The following UNC5B variants were observed in gnomAD, a reference collection of about 807,000 sequenced individuals.
The protein encoded by UNC5B is unc-5 netrin receptor B, also known as netrin receptor UNC5B.
A neutral mutation model predicts 103.7 loss-of-function variants in UNC5B; 56 were observed. The observed-to-expected ratio is 0.54, with a 90% CI of 0.44 to 0.67. The LOEUF (loss-of-function observed/expected upper bound fraction) is 0.67, where lower values mean the gene tolerates loss of function less well. Ranked by LOEUF, UNC5B falls within the 30% of genes least tolerant of loss-of-function variation. The pLI, the probability that UNC5B is intolerant of heterozygous loss-of-function variation, is 0.00. For missense variants in UNC5B, 1,194 were observed against 1,284.5 expected (o/e 0.93, Z 1.08); for synonymous variants, 577 against 542.0 (o/e 1.06, Z -0.90).
chr10:71,272,314 A>G (rs1589182912), intron 1 of UNC5B, among the ~76,000 whole-genome samples: 1 of 152,146 alleles, frequency 6.6e-6, no homozygotes, highest in South Asian at 2.1e-4. Flanking sequence ...GTCCTGAGCC[A>G]GTCAGCCCTG....
intron 14 of UNC5B, among the ~76,000 whole-genome samples, chr10:71,296,191 C>A (rs1050212937): frequency 1.3e-5 from 2 of 152,188 alleles, no homozygotes; most frequent in African/African-American, 4.8e-5. Flanking sequence ...CCTGTCACAC[C>A]CTCACACGCA....
At chr10:71,228,474 C>T (rs560019251) in intron 1 of UNC5B, among the ~76,000 whole-genome samples, 11 of 151,992 alleles carry the variant, frequency 7.2e-5, no homozygotes, top group East Asian at 3.9e-4. Flanking sequence ...ATGCCACAGA[C>T]GAAGGGCTGA....
At chr10:71,227,830 T>A (rs1476205910) in intron 1 of UNC5B, among the ~76,000 whole-genome samples, 2 of 151,978 alleles carry the variant, frequency 1.3e-5, no homozygotes, top group Non-Finnish European at 2.9e-5. Flanking sequence ...ATAGATACCC[T>A]GCTGGTATTC....
Position 71,279,968 on chromosome 10 carries a change from A to G in UNC5B, c.227A>G (p.Gln76Arg), listed in dbSNP as rs1292431144. 7 of 1,614,018 alleles carry G rather than the reference A, an allele frequency of 4.3e-6. No individual in the cohort carries two copies. Among genetic ancestry groups the G allele is most frequent in the African/African-American group, 1.3e-5 (1 of 74,940 alleles). ...CGCTGCCGCGCCTTCCCCGCCACAC[A>G]GATCTACTTCAAGTGCAACGGCGAG... Reference protein sequence around the residue: ...ELRCRAFPATQIYFKCNGEWV... With the variant: ...ELRCRAFPATRIYFKCNGEWV... The change falls in exon 2 of 17, where the codon CAG (glutamine) becomes CGG (arginine). Residue 76 changes from glutamine to arginine, a missense_variant. By Grantham distance (43) the Gln-to-Arg change is conservative. Transcript: ENST00000335350.
At chr10:71,231,307 G>A (rs778194696) in intron 1 of UNC5B, among the ~76,000 whole-genome samples, 3 of 152,114 alleles carry the variant, frequency 2.0e-5, no homozygotes, top group African/African-American at 4.8e-5. Context: ...TGCTAGAGTC[G>A]TCATTTCACA....
At chr10:71,289,096 C>T (rs1485967328) in intron 8 of UNC5B, 106 bp downstream of exon 8, 3 of 1,473,692 alleles carry the variant, frequency 2.0e-6, no homozygotes, top group Non-Finnish European at 2.8e-6. Context: ...CTGAAGGTGC[C>T]TACCCACCCC....
At chr10:71,227,699 C>CATATATAT (rs1843599821) in intron 1 of UNC5B, among the ~76,000 whole-genome samples, 5 of 123,420 alleles carry the variant, frequency 4.1e-5, no homozygotes, top group Non-Finnish European at 7.9e-5. Context: ...CATATATATA[C>CATATATAT]ACACATATAC....
Position 71,293,511 on chromosome 10 carries a change from G to A in UNC5B, c.1879G>A (p.Glu627Lys), listed in dbSNP as rs751544453. Reference protein sequence around the residue: ...PVILTMPHCAEVSARDWIFQL... With the variant: ...PVILTMPHCAKVSARDWIFQL... Reference sequence around the variant, plus strand: ...CATCCTCACCATGCCCCACTGTGCCGAAGTCAGTGCCCGTGACTGGATCTT... The same window carrying A: ...CATCCTCACCATGCCCCACTGTGCCAAAGTCAGTGCCCGTGACTGGATCTT... Residue 627 changes from glutamate (E) to lysine (K), a missense_variant, in exon 12 of 17, where the codon GAA (glutamate) becomes AAA (lysine). Transcript: ENST00000335350. 1.6e-5 allele frequency: 26 copies of A among 1,613,858 alleles called. No individual in the cohort carries two copies. The highest frequency in any genetic ancestry group is 6.7e-5 in the Admixed American group (4 of 60,014).
intron 10 of UNC5B, among the ~76,000 whole-genome samples, chr10:71,292,152 C>T (rs927996055): frequency 6.6e-6 from 1 of 152,108 alleles, no homozygotes; most frequent in African/African-American, 2.4e-5. Context: ...GGGACAGGGG[C>T]GCCTGTTTTA....
Position 71,285,319 on chromosome 10 carries a change from C to T in UNC5B, c.449-7C>T. 3 of 1,606,304 alleles carry T rather than the reference C, an allele frequency of 1.9e-6. No individual in the cohort carries two copies. Among genetic ancestry groups the T allele is most frequent in the Non-Finnish European group, 1.7e-6 (2 of 1,176,890 alleles). ...TGACTGCCTTGGGACCCTCTCGCTTCTCCCAGACCTGCGCAAGAACTTCGA... is the reference window on the plus strand; with the variant it reads ...TGACTGCCTTGGGACCCTCTCGCTTTTCCCAGACCTGCGCAAGAACTTCGA... On this transcript the variant is annotated splice_region_variant and splice_polypyrimidine_tract_variant and intron_variant, in intron 3 of 16. Transcript: ENST00000335350.
chr10:71,280,737 C>T (rs1033084712), intron 2 of UNC5B, among the ~76,000 whole-genome samples: 12 of 152,216 alleles, frequency 7.9e-5, no homozygotes, highest in African/African-American at 2.9e-4. Context: ...CCAGGGTGCC[C>T]TCGAGTCTAA....
chr10:71,286,330 C>T (rs1589194603), intron 4 of UNC5B, among the ~76,000 whole-genome samples: 1 of 152,346 alleles, frequency 6.6e-6, no homozygotes. Flanking sequence ...AAGACAGATA[C>T]TCCTGGCTAG....
rs2132230713 is a variant in UNC5B at position 71,213,621 on chromosome 10, T to A, written c.79+557T>A. Reference sequence around the variant, plus strand: ...GCAGGGCTCCTGAAGCGGGGAGGGCTAAGTCTTGCACACATAGCTTTCCCC... The same window carrying A: ...GCAGGGCTCCTGAAGCGGGGAGGGCAAAGTCTTGCACACATAGCTTTCCCC... On this transcript the variant is annotated intron_variant, in intron 1 of 16. Transcript: ENST00000335350. This position sits in a 1 kb window ranked among gnomAD's most constrained non-coding sequence, Gnocchi z 4.1. Among the ~76,000 whole-genome samples the A allele has an allele frequency of 6.6e-6, 1 of 152,014 alleles. No individual in the cohort carries two copies. Among genetic ancestry groups the A allele is most frequent in the South Asian group, 2.1e-4 (1 of 4,804 alleles).
At chr10:71,285,641 C>A (rs538866585) in intron 4 of UNC5B, among the ~76,000 whole-genome samples, 1 of 119,024 alleles carries the variant, frequency 8.4e-6, no homozygotes, top group South Asian at 2.5e-4. Context: ...ACAGGCATAA[C>A]CCCACGGGAT....
At chr10:71,283,232 A>AC (rs1844976417) in intron 2 of UNC5B, among the ~76,000 whole-genome samples, 1 of 152,182 alleles carries the variant, frequency 6.6e-6, no homozygotes, top group African/African-American at 2.4e-5. Flanking sequence ...GGTGCCTGCC[A>AC]CCTACCCTCT....
At chr10:71,226,763 A>T (rs1397710555) in intron 1 of UNC5B, among the ~76,000 whole-genome samples, 1 of 152,254 alleles carries the variant, frequency 6.6e-6, no homozygotes, top group Non-Finnish European at 1.5e-5. Context: ...TATTAATATC[A>T]TGTTCCATAT....
In UNC5B at chr10:71,291,573, G is replaced by A. The variant is rs1845259718; in HGVS notation, c.1436G>A (p.Ser479Asn). The change falls in exon 10 of 17, where the codon AGC becomes AAC. Residue 479 changes from serine to asparagine, a missense_variant. Transcript: ENST00000335350. ...TCTCCTCTGCTGGACCCCTTACCCAGCCTTAAGGTCAAGGTCTACAGCTCC... is the reference window on the plus strand; with the variant it reads ...TCTCCTCTGCTGGACCCCTTACCCAACCTTAAGGTCAAGGTCTACAGCTCC... The part of the protein sequence containing the change: ...TNSPLLDPLP[S>N]LKVKVYSSST... 7 of 1,614,132 alleles carry A rather than the reference G, an allele frequency of 4.3e-6. No individual in the cohort carries two copies. The East Asian group carries it at 1.6e-4, about 36-fold the overall frequency.
intron 1 of UNC5B, among the ~76,000 whole-genome samples, chr10:71,231,270 G>A (rs1834637610): frequency 6.6e-6 from 1 of 152,218 alleles, no homozygotes; most frequent in Non-Finnish European, 1.5e-5. Flanking sequence ...GTGAGGTGGG[G>A]GTTGGCGAGA....
rs187574020 is a variant in UNC5B, at chr10:71,289,060, G to A, written c.1099+70G>A. The A allele has an allele frequency of 2.7e-3, 4,383 of 1,609,738 alleles. 152 individuals carry two copies. In the Admixed American group the frequency reaches 0.063, roughly 23 times the overall value. ...TGGTTCTCTTTGGCTGGCTTTTCCC[G>A]GGATCAGGGTGCAGGGCAGGGAGAG... On this transcript the variant is annotated intron_variant, in intron 8 of 16. Transcript: ENST00000335350.
Sources: gnomAD v4.1 joint callset for allele counts (sites outside exome capture counted in the v4.1 genomes callset) on GRCh38, gnomAD v4.1.1 for gene constraint, Gnocchi (gnomAD v3.1) non-coding constraint, MANE v1.5 for transcripts, NCBI Gene and HGNC (gene_info 2026-07-23, HGNC 2026-07-21) for gene names.